The following TNFRSF14 variants were observed in gnomAD, a reference collection of about 807,000 sequenced individuals.
TNFRSF14 encodes TNF receptor superfamily member 14.
Under a neutral mutation model 34.1 loss-of-function variants are expected in TNFRSF14, and 18 were observed. The observed-to-expected ratio is 0.53, with a 90% CI of 0.36 to 0.78. TNFRSF14 has a LOEUF of 0.78. TNFRSF14 is among the 30% of genes least tolerant of loss of function. The pLI, the probability that TNFRSF14 is intolerant of heterozygous loss-of-function variation, is 0.00. For missense variants in TNFRSF14, 352 were observed against 379.5 expected (o/e 0.93, Z 0.60); for synonymous variants, 157 against 153.2 (o/e 1.02, Z -0.18).
Position 2,560,630 on chromosome 1 carries a change from A to G in TNFRSF14, c.467A>G (p.Glu156Gly). 1.2e-6 allele frequency: 2 copies of G among 1,613,030 alleles called. No individual in the cohort carries two copies. The highest frequency in any genetic ancestry group is 1.1e-5 in the South Asian group (1 of 91,034). The change falls in exon 5 of 8, where the codon GAG becomes GGG. Residue 156 changes from glutamate (E) to glycine (G), a missense_variant. Glu to Gly is a moderately conservative substitution (Grantham distance 98, BLOSUM62 -2). Transcript: ENST00000355716. ...PGQRVQKGGT[E>G]SQDTLCQNCP... ...TCCGTCCCTCTCTTCTCAGGCACCGAGAGTCAGGACACCCTGTGTCAGAAC... is the reference window on the plus strand; with the variant it reads ...TCCGTCCCTCTCTTCTCAGGCACCGGGAGTCAGGACACCCTGTGTCAGAAC...
chr1:2,558,836 G>A, intron 3 of TNFRSF14: 1 of 1,324,652 alleles, frequency 7.5e-7, no homozygotes, highest in Non-Finnish European at 9.8e-7. Flanking sequence ...CCGGCACTCG[G>A]GCCTGCTGCT....
chr1:2,562,481 G>C (rs1644324524), intron 6 of TNFRSF14: 1 of 370,514 alleles, frequency 2.7e-6, no homozygotes, highest in Admixed American at 4.5e-5. Context: ...CAGGCTCTAG[G>C]GTAGGCCGGG....
In TNFRSF14 at chr1:2,563,775, CAG is replaced by C. The variant is rs1373924514; in HGVS notation, c.*503_*504del. On this transcript the variant is annotated 3_prime_UTR_variant, in exon 8 of 8. Transcript: ENST00000355716. ...CTCCTGTTTTCTATTTGTCATGAAA[CAG>C]TGTATTTGGGGAGATGCTGTGGGAG... 4.2e-6 allele frequency: 1 copy of C among 235,960 alleles called. No homozygotes were observed. The highest frequency in any genetic ancestry group is 8.3e-6 in the Non-Finnish European group (1 of 119,772). 14.6% of individuals were successfully genotyped at this position (235,960 alleles called of 1,614,324 possible).
At position 2,561,910 on chromosome 1, in the gene TNFRSF14, T is replaced by A; in HGVS notation, c.694+95T>A. 1.4e-6 allele frequency: 2 copies of A among 1,381,840 alleles called. No individual in the cohort carries two copies. The highest frequency in any genetic ancestry group is 2.0e-6 in the Non-Finnish European group (2 of 1,009,748). 85.6% of individuals were successfully genotyped at this position (1,381,840 alleles called of 1,614,324 possible). A position where few individuals can be genotyped will look rare whatever the true frequency, so the allele number is the denominator to read the frequency against. ...GCCTGGGAGGTGGCCCCAGAGCTTT[T>A]CCAGGATCCGCGGCTCCTCCCAGGG... is the stretch of plus-strand genomic sequence containing the variant. On this transcript the variant is annotated intron_variant, in intron 6 of 7. Coordinates refer to ENST00000355716, the MANE Select transcript of TNFRSF14 (RefSeq NM_003820.4). This position sits in a 1 kb window ranked among gnomAD's most constrained non-coding sequence, Gnocchi z 6.0.
chr1:2,563,293 G>A lies in TNFRSF14; in HGVS notation c.*20G>A, dbSNP rs754053738. 1.6e-5 allele frequency: 25 copies of A among 1,610,682 alleles called. No homozygotes were observed. The highest frequency in any genetic ancestry group is 1.8e-5 in the Non-Finnish European group (21 of 1,178,020). On this transcript the variant is annotated 3_prime_UTR_variant, in exon 8 of 8. Transcript: ENST00000355716. The stretch of plus-strand genomic sequence containing the variant: ...CACTGACCCACAGACTCTGCACCCC[G>A]ACGCCAGAGATACCTGGAGCGACGG...
chr1:2,560,341 C>G (rs923458253), intron 4 of TNFRSF14, among the ~76,000 whole-genome samples: 3 of 152,160 alleles, frequency 2.0e-5, no homozygotes, highest in African/African-American at 7.2e-5. Flanking sequence ...GTGTCCAGCC[C>G]TGGCCTGCAT....
At chr1:2,558,738 C>T (rs1557476606) in intron 3 of TNFRSF14, 4 of 1,172,828 alleles carry the variant, frequency 3.4e-6, no homozygotes, top group African/African-American at 1.6e-5. Context: ...TCCTTGGCTC[C>T]TCTGGTGCCC....
At chr1:2,562,756 G>A in intron 6 of TNFRSF14, 109 bp from the exon 7 acceptor site, 1 of 1,423,316 alleles carries the variant, frequency 7.0e-7, no homozygotes, top group Non-Finnish European at 9.9e-7. Flanking sequence ...CGGTCTCCCA[G>A]GGAGAAGCAG....
At chr1:2,555,917 G>T, upstream of TNFRSF14, 1 of 163,166 alleles carries the variant, frequency 6.1e-6, no homozygotes, top group Non-Finnish European at 1.4e-5. This position sits in a 1 kb window ranked among gnomAD's most constrained non-coding sequence, Gnocchi z 6.3. Flanking sequence ...AGGAAGCTGG[G>T]GTGGGGTCAG....
chr1:2,558,600 T>A, intron 3 of TNFRSF14, 132 bp downstream of exon 3: 2 of 1,507,272 alleles, frequency 1.3e-6, no homozygotes, highest in South Asian at 2.4e-5. Flanking sequence ...CAACCCCATC[T>A]CCATGGATGC....
upstream of TNFRSF14, chr1:2,554,682 G>A (rs537128707): frequency 4.6e-5 from 7 of 152,538 alleles, no homozygotes; most frequent in East Asian, 3.9e-4. The surrounding 1 kb of genome is among the most constrained non-coding windows in gnomAD (Gnocchi z 4.2). Flanking sequence ...GGGTAGGAGG[G>A]GCATGGAGGA....
chr1:2,555,867 G>C (rs565239432), upstream of TNFRSF14: 17 of 156,566 alleles, frequency 1.1e-4, 1 homozygote, highest in African/African-American at 4.1e-4. This position sits in a 1 kb window ranked among gnomAD's most constrained non-coding sequence, Gnocchi z 6.3. Context: ...CTACCACCAG[G>C]CTCTGTGGGG....
chr1:2,560,602 C>T, intron 4 of TNFRSF14, 22 bp from the exon 5 acceptor site: 1 of 1,604,722 alleles, frequency 6.2e-7, no homozygotes, highest in South Asian at 1.1e-5. Flanking sequence ...TCAGCCCCCT[C>T]TGTCCGTCCC....
At chr1:2,563,102 A>C in intron 7 of TNFRSF14, 46 bp from the exon 8 acceptor site, 8 of 1,608,314 alleles carry the variant, frequency 5.0e-6, no homozygotes, top group Non-Finnish European at 6.8e-6. Context: ...CTGGAGTCCC[A>C]GGGGGGCCTG....
intron 1 of TNFRSF14, 35 bp downstream of exon 1, chr1:2,556,768 G>C: frequency 1.3e-6 from 2 of 1,561,468 alleles, no homozygotes; most frequent in Non-Finnish European, 8.7e-7. Context: ...TCTGCTCGCA[G>C]ATCCCAGTTC....
chr1:2,562,484 A>G, intron 6 of TNFRSF14: 2 of 362,088 alleles, frequency 5.5e-6, no homozygotes, highest in Non-Finnish European at 1.0e-5. Context: ...GCTCTAGGGT[A>G]GGCCGGGCAG....
chr1:2,559,812 T>C lies in TNFRSF14; in HGVS notation c.305-11T>C, dbSNP rs1290032511. ...CACGTACCCCTCTCAGCCCCTCCTCTTGGACTCCAGCCATGGGCCTGCGCG... is the reference window on the plus strand; with the variant it reads ...CACGTACCCCTCTCAGCCCCTCCTCCTGGACTCCAGCCATGGGCCTGCGCG... On this transcript the variant is annotated splice_polypyrimidine_tract_variant and intron_variant, in intron 3 of 7. Coordinates refer to ENST00000355716, the MANE Select transcript of TNFRSF14 (RefSeq NM_003820.4). 2 of 1,604,504 alleles carry C rather than the reference T, an allele frequency of 1.2e-6. No homozygotes were observed. The highest frequency in any genetic ancestry group is 1.7e-6 in the Non-Finnish European group (2 of 1,176,970).
chr1:2,562,033 G>T lies in TNFRSF14; in HGVS notation c.694+218G>T, dbSNP rs149326447. 5.6e-4 allele frequency: 338 copies of T among 602,866 alleles called. 1 individual carries two copies. The highest frequency in any genetic ancestry group is 1.1e-3 in the Admixed American group (35 of 32,580). 37.3% of individuals were successfully genotyped at this position (602,866 alleles called of 1,614,324 possible). ...GGAAGGGAAGGTGGGACCCCTGACCGTGGAGCCCTCAGCCACCCCTGCCCA... is the reference window on the plus strand; with the variant it reads ...GGAAGGGAAGGTGGGACCCCTGACCTTGGAGCCCTCAGCCACCCCTGCCCA... On this transcript the variant is annotated intron_variant, in intron 6 of 7. Transcript: ENST00000355716.
upstream of TNFRSF14, chr1:2,554,250 G>GCACA (rs1644183416): frequency 6.5e-6 from 1 of 153,160 alleles, no homozygotes; most frequent in Admixed American, 6.5e-5. The surrounding 1 kb of genome is among the most constrained non-coding windows in gnomAD (Gnocchi z 4.2). Flanking sequence ...TGATGACCCT[G>GCACA]GGGTCCTGCA....
Sources: gnomAD v4.1 joint callset for allele counts (sites outside exome capture counted in the v4.1 genomes callset) on GRCh38, gnomAD v4.1.1 for gene constraint, Gnocchi (gnomAD v3.1) non-coding constraint, MANE v1.5 for transcripts, NCBI Gene and HGNC (gene_info 2026-07-23, HGNC 2026-07-21) for gene names.